The following SPAG17 variants were observed in gnomAD, a reference collection of about 807,000 sequenced individuals.
SPAG17 encodes the protein sperm-associated antigen 17.
Under a neutral mutation model 273.6 loss-of-function variants are expected in SPAG17, and 169 were observed. That is an observed-to-expected ratio of 0.62 (90% CI 0.55 to 0.70). The LOEUF is 0.70. Among genes scored for constraint, SPAG17 ranks in the 30% least tolerant of loss-of-function variants. The pLI is 0.00. For missense variants in SPAG17, 2,557 were observed against 2,627.8 expected, an observed-to-expected ratio of 0.97 and a Z score of 0.59; for synonymous variants, 825 against 873.2, an observed-to-expected ratio of 0.94 and a Z score of 0.97.
intron 34 of SPAG17, 32 bp downstream of exon 34, chr1:117,996,338 A>AC: frequency 3.2e-6 from 5 of 1,578,374 alleles, no homozygotes; most frequent in Non-Finnish European, 4.3e-6. Flanking sequence ...GCAAAGAGAC[A>AC]CCGTGCATTC....
chr1:118,157,338 G>T lies in SPAG17; in HGVS notation c.88-5969C>A, dbSNP rs549217892. ...CACCCCCATCCCAAAGACACACTCTGCAGCAATGCGCTATGTGGATCTATA... is the reference window on the plus strand; with the variant it reads ...CACCCCCATCCCAAAGACACACTCTTCAGCAATGCGCTATGTGGATCTATA... On this transcript the variant is annotated intron_variant, in intron 1 of 48. Coordinates refer to ENST00000336338, the MANE Select transcript of SPAG17 (RefSeq NM_206996.4). 2.0e-5 allele frequency among the ~76,000 whole-genome samples: 3 copies of T among 152,248 alleles called. No homozygotes were observed. In the South Asian group the frequency reaches 6.2e-4, roughly 32 times the overall value.
At chr1:117,999,355 T>C (rs1462826796) in intron 32 of SPAG17, among the ~76,000 whole-genome samples, 1 of 152,220 alleles carries the variant, frequency 6.6e-6, no homozygotes, top group Non-Finnish European at 1.5e-5. Context: ...AGTAATGGGA[T>C]TGCTGGGTCA....
chr1:117,954,193 A>G, intron 48 of SPAG17, 144 bp from the exon 49 acceptor site: 1 of 1,006,818 alleles, frequency 9.9e-7, no homozygotes, highest in Non-Finnish European at 1.5e-6. Context: ...AGATCAGGAT[A>G]TGCAATAAAT....
chr1:118,073,040 A>G (rs929989596), intron 17 of SPAG17, among the ~76,000 whole-genome samples: 1 of 152,096 alleles, frequency 6.6e-6, no homozygotes, highest in Non-Finnish European at 1.5e-5. Context: ...GGAGGCTGCT[A>G]TTTTTCATAG....
At chr1:118,165,841 C>T (rs971802645) in intron 1 of SPAG17, among the ~76,000 whole-genome samples, 5 of 151,952 alleles carry the variant, frequency 3.3e-5, no homozygotes, top group African/African-American at 1.2e-4. Flanking sequence ...GACGGGGTTT[C>T]ACTGTGTTAG....
At chr1:118,181,500 G>A (rs1397576133) in intron 1 of SPAG17, among the ~76,000 whole-genome samples, 4 of 152,058 alleles carry the variant, frequency 2.6e-5, no homozygotes, top group Non-Finnish European at 5.9e-5. Context: ...AGCAGGGGAA[G>A]TTAAGCAACT....
chr1:117,994,564 C>A (rs1170400825), intron 34 of SPAG17, 34 bp from the exon 35 acceptor site: 1 of 1,581,452 alleles, frequency 6.3e-7, no homozygotes, highest in African/African-American at 1.4e-5. Context: ...AGACCATTAC[C>A]CATTGAAAGT....
intron 28 of SPAG17, 115 bp downstream of exon 28, chr1:118,023,189 T>A (rs1381717585): frequency 3.0e-6 from 2 of 662,274 alleles, no homozygotes; most frequent in Admixed American, 3.6e-5. Context: ...TAAGAATATA[T>A]AAATATATTT....
At chr1:118,048,899 A>G (rs957906739) in intron 20 of SPAG17, among the ~76,000 whole-genome samples, 2 of 152,190 alleles carry the variant, frequency 1.3e-5, no homozygotes, top group African/African-American at 2.4e-5. Flanking sequence ...CCATCTAAAA[A>G]AAATAAAAAT....
intron 25 of SPAG17, among the ~76,000 whole-genome samples, chr1:118,030,289 T>G (rs1648289250): frequency 6.6e-6 from 1 of 152,182 alleles, no homozygotes; most frequent in Non-Finnish European, 1.5e-5. Flanking sequence ...CTTGGGTATT[T>G]TTAAACATTT....
At chr1:118,122,153 C>CTCTG (rs954364088) in intron 3 of SPAG17, among the ~76,000 whole-genome samples, 32 of 149,260 alleles carry the variant, frequency 2.1e-4, no homozygotes, top group African/African-American at 7.6e-4. Context: ...GTCTGTGTGT[C>CTCTG]TGTGTGTGTG....
At chr1:118,047,827 C>T (rs1310599581) in intron 20 of SPAG17, among the ~76,000 whole-genome samples, 1 of 152,008 alleles carries the variant, frequency 6.6e-6, no homozygotes, top group African/African-American at 2.4e-5. Context: ...CAGGCTGGCC[C>T]CTGTGGACAC....
intron 10 of SPAG17, among the ~76,000 whole-genome samples, chr1:118,088,007 G>T (rs891938550): frequency 1.3e-5 from 2 of 152,268 alleles, no homozygotes; most frequent in South Asian, 2.1e-4. Flanking sequence ...GAGAACCACT[G>T]CTCTAGAATA....
At chr1:118,014,909 G>C (rs1470498690) in intron 29 of SPAG17, among the ~76,000 whole-genome samples, 1 of 152,124 alleles carries the variant, frequency 6.6e-6, no homozygotes, top group Non-Finnish European at 1.5e-5. Context: ...AACTTCCTAA[G>C]GCTCAATTTC....
chr1:118,131,443 C>T (rs1381222302), intron 3 of SPAG17, among the ~76,000 whole-genome samples: 1 of 152,196 alleles, frequency 6.6e-6, no homozygotes, highest in Admixed American at 6.5e-5. Context: ...ACCCTTTCCT[C>T]CCTTTTGCTC....
intron 42 of SPAG17, among the ~76,000 whole-genome samples, chr1:117,982,488 G>A (rs973755349): frequency 2.0e-5 from 3 of 152,078 alleles, no homozygotes; most frequent in African/African-American, 7.2e-5. Context: ...TGATCCACCC[G>A]CTTTGGCCTC....
At chr1:117,962,393 T>G (rs893653784) in intron 48 of SPAG17, 1 of 152,194 alleles carries the variant, frequency 6.6e-6, no homozygotes, top group African/African-American at 2.4e-5. Context: ...ATCCTTAATA[T>G]AAAAACCATC....
At position 118,040,830 on chromosome 1, in the gene SPAG17, G is replaced by A; in HGVS notation, c.3066C>T (p.Tyr1022=). 1 of 1,571,348 alleles carries A rather than the reference G, an allele frequency of 6.4e-7. No individual in the cohort carries two copies. The highest frequency in any genetic ancestry group is 1.3e-5 in the African/African-American group (1 of 74,376). ...EPKITYPFHG[Y]NMGNIPTQIS... ...TTTGAGTGGGTATATTTCCCATATT[G>A]TATCCGTGAAACTAGAAGAGAAAAT... Residue 1022 remains tyrosine (Y), a synonymous_variant, in exon 22 of 49, where the codon TAC becomes TAT. Transcript: ENST00000336338.
In SPAG17 at chr1:117,992,492, T is replaced by C; in HGVS notation, c.5335A>G (p.Lys1779Glu). The change falls in exon 36 of 49, where the codon AAA becomes GAA. Residue 1779 changes from lysine to glutamate, a missense_variant. Coordinates refer to ENST00000336338, the MANE Select transcript of SPAG17 (RefSeq NM_206996.4). ...TTAAGGGAAACCTGCAGCCTCAGTT[T>C]CACCTCATTCTTTATGACCTCATGC... ...IQHEVIKNEV[K>E]LRLQVSLKDY... The C allele has an allele frequency of 6.2e-7, 1 of 1,611,794 alleles. No homozygotes were observed. The highest frequency in any genetic ancestry group is 1.1e-5 in the South Asian group (1 of 90,598).
Sources: allele counts gnomAD v4.1 joint callset (sites outside exome capture counted in the v4.1 genomes callset), GRCh38; gene constraint gnomAD v4.1.1; transcripts MANE v1.5; gene names NCBI Gene and HGNC (gene_info 2026-07-23, HGNC 2026-07-21).